Variants in ADGRV1 observed in about 807,000 individuals in gnomAD.
ADGRV1 encodes G-protein coupled receptor 98.
ADGRV1 carries 359 observed loss-of-function variants against 596.2 expected under a neutral mutation model. That is an observed-to-expected ratio of 0.60 (90% CI 0.55 to 0.66). The LOEUF (loss-of-function observed/expected upper bound fraction) is 0.66. Among genes scored for constraint, ADGRV1 ranks in the 30% least tolerant of loss-of-function variants. ADGRV1 has a pLI of 0.00. For synonymous variants in ADGRV1, 2,681 were observed against 2,679.2 expected, an observed-to-expected ratio of 1.00 and a Z score of -0.02; for missense variants, 7,274 against 7,575.6, an observed-to-expected ratio of 0.96 and a Z score of 1.48.
rs573355654 is a variant in ADGRV1 at position 91,153,536 on chromosome 5, A to C, written c.18802+138A>C. On this transcript the variant is annotated intron_variant, in intron 89 of 89. Coordinates refer to ENST00000405460, the MANE Select transcript of ADGRV1 (RefSeq NM_032119.4). ...ATTCTCATGACCCATTCCTAATCCC[A>C]GGAAAACTCTAGGATATTTTGTTCT... The C allele has an allele frequency of 2.1e-5, 10 of 475,818 alleles. 1 individual carries two copies. The East Asian group carries it at 3.4e-4, about 16-fold the overall frequency. 29.5% of individuals were successfully genotyped at this position (475,818 alleles called of 1,614,324 possible).
Position 91,035,114 on chromosome 5 carries a change from A to G in ADGRV1, c.18153-37333A>G, listed in dbSNP as rs574446860. Among the ~76,000 whole-genome samples the G allele has an allele frequency of 3.3e-5, 5 of 152,228 alleles. No homozygotes were observed. In the South Asian group the frequency reaches 8.3e-4, roughly 25 times the overall value. ...CATCTGTAACACAGGGACTTTTGCA[A>G]TGGCTCTGTTTCTCCTTCCAGCCCT... On this transcript the variant is annotated intron_variant, in intron 85 of 89. Transcript: ENST00000405460.
At chr5:90,939,965 T>C (rs1776031838) in intron 83 of ADGRV1, among the ~76,000 whole-genome samples, 1 of 152,228 alleles carries the variant, frequency 6.6e-6, no homozygotes, top group African/African-American at 2.4e-5. Flanking sequence ...GAAGTTCCTG[T>C]CATTCTTACC....
At chr5:90,945,583 T>C (rs991937954) in intron 83 of ADGRV1, among the ~76,000 whole-genome samples, 7 of 152,040 alleles carry the variant, frequency 4.6e-5, no homozygotes, top group Non-Finnish European at 7.4e-5. Context: ...GGGTACTAGA[T>C]GAGAAAGGGA....
chr5:90,709,189 C>A (rs1010050443), intron 39 of ADGRV1, among the ~76,000 whole-genome samples: 1 of 152,062 alleles, frequency 6.6e-6, no homozygotes, highest in African/African-American at 2.4e-5. Flanking sequence ...AAGGTATTTT[C>A]CTTTCATTTT....
At chr5:90,823,129 C>G (rs1405946472) in intron 75 of ADGRV1, among the ~76,000 whole-genome samples, 1 of 152,084 alleles carries the variant, frequency 6.6e-6, no homozygotes, top group Non-Finnish European at 1.5e-5. Flanking sequence ...ATTTCCTTCT[C>G]GAAAAATATT....
intron 83 of ADGRV1, among the ~76,000 whole-genome samples, chr5:90,895,555 G>A (rs1218112053): frequency 1.3e-5 from 2 of 152,174 alleles, no homozygotes; most frequent in Non-Finnish European, 2.9e-5. Flanking sequence ...AGAAAATGGT[G>A]TCAAGAGGTG....
At chr5:90,781,393 G>A in intron 64 of ADGRV1, 37 bp from the exon 65 acceptor site, 1 of 1,461,058 alleles carries the variant, frequency 6.8e-7, no homozygotes, top group East Asian at 2.4e-5. Context: ...TGTTGTTGTT[G>A]TATTTTATTT....
intron 60 of ADGRV1, 132 bp downstream of exon 60, chr5:90,774,435 A>G (rs1231583130): frequency 3.3e-6 from 2 of 599,898 alleles, no homozygotes; most frequent in East Asian, 5.7e-5. Context: ...ACCATTTTCC[A>G]CATGTATTAA....
intron 10 of ADGRV1, among the ~76,000 whole-genome samples, chr5:90,636,380 A>C (rs888862945): frequency 6.6e-6 from 1 of 152,182 alleles, no homozygotes. Flanking sequence ...TCCATTGTAT[A>C]TTAGCTTCTA....
At chr5:90,631,185 T>C (rs1765451410) in intron 9 of ADGRV1, among the ~76,000 whole-genome samples, 1 of 152,180 alleles carries the variant, frequency 6.6e-6, no homozygotes, top group African/African-American at 2.4e-5. Context: ...GATGAGAAAT[T>C]TGAAGGGAAG....
intron 85 of ADGRV1, among the ~76,000 whole-genome samples, chr5:90,997,048 A>G (rs961286699): frequency 3.9e-5 from 6 of 152,148 alleles, no homozygotes; most frequent in African/African-American, 1.2e-4. Context: ...GGCTTGACTC[A>G]GATAAGATTT....
At chr5:90,595,216 C>A (rs1377902881) in intron 1 of ADGRV1, among the ~76,000 whole-genome samples, 1 of 49,808 alleles carries the variant, frequency 2.0e-5, no homozygotes, top group African/African-American at 1.1e-4. Flanking sequence ...GGGGGGCTGA[C>A]CCCCCCACCT....
At chr5:90,961,301 C>T (rs1400809087) in intron 83 of ADGRV1, among the ~76,000 whole-genome samples, 1 of 151,954 alleles carries the variant, frequency 6.6e-6, no homozygotes, top group Non-Finnish European at 1.5e-5. Flanking sequence ...GAGAGCGAGA[C>T]CATCCTGGCT....
chr5:90,831,711 C>G (rs543475626), intron 77 of ADGRV1, among the ~76,000 whole-genome samples: 7 of 152,030 alleles, frequency 4.6e-5, no homozygotes, highest in African/African-American at 4.8e-5. Flanking sequence ...TCCCTCAACC[C>G]CCTCTGCCCC....
intron 85 of ADGRV1, among the ~76,000 whole-genome samples, chr5:91,053,236 G>A (rs1362597988): frequency 5.3e-5 from 8 of 152,152 alleles, no homozygotes; most frequent in African/African-American, 1.9e-4. Context: ...CCTTCACACA[G>A]TCTTTATTGG....
intron 78 of ADGRV1, among the ~76,000 whole-genome samples, chr5:90,847,738 G>GGGGCTGGCA (rs1477340585): frequency 6.6e-6 from 1 of 152,198 alleles, no homozygotes; most frequent in Non-Finnish European, 1.5e-5. Context: ...CTCACTGCCC[G>GGGGCTGGCA]GGGCTGGCAG....
At chr5:91,006,863 TG>T (rs368473758) in intron 85 of ADGRV1, among the ~76,000 whole-genome samples, 1 of 152,216 alleles carries the variant, frequency 6.6e-6, no homozygotes, top group African/African-American at 2.4e-5. Context: ...TTCATATCTT[TG>T]TATAACCTCT....
chr5:90,843,308 C>T (rs769921452), intron 78 of ADGRV1, among the ~76,000 whole-genome samples: 3 of 152,070 alleles, frequency 2.0e-5, no homozygotes, highest in Non-Finnish European at 4.4e-5. Context: ...GGCACCGGTG[C>T]AGACATAAAC....
At chr5:90,856,827 A>G (rs1767066945) in intron 82 of ADGRV1, among the ~76,000 whole-genome samples, 1 of 152,190 alleles carries the variant, frequency 6.6e-6, no homozygotes, top group Admixed American at 6.5e-5. Context: ...TCTATGTAAC[A>G]GGGTGATAAA....
Sources: gnomAD v4.1 joint callset for allele counts (sites outside exome capture counted in the v4.1 genomes callset) on GRCh38, gnomAD v4.1.1 for gene constraint, MANE v1.5 for transcripts, NCBI Gene and HGNC (gene_info 2026-07-23, HGNC 2026-07-21) for gene names.